The following TTLL5 variants were observed in gnomAD, a reference collection of about 807,000 sequenced individuals.
TTLL5 encodes the protein tubulin tyrosine ligase like 5.
A neutral mutation model predicts 168.4 loss-of-function variants in TTLL5; 132 were observed. The observed-to-expected ratio is 0.78, with a 90% confidence interval of 0.68 to 0.91. The LOEUF (loss-of-function observed/expected upper bound fraction) is 0.91. Among genes scored for constraint, TTLL5 ranks in the 40% least tolerant of loss-of-function variants. The probability of loss-of-function intolerance (pLI) is 0.00; values close to 1 mark genes in which losing one functional copy is unlikely to be tolerated. For missense variants in TTLL5, 1,545 were observed against 1,581.5 expected (o/e 0.98, Z 0.39); for synonymous variants, 546 against 558.6 (o/e 0.98, Z 0.32).
At chr14:75,714,630 A>G (rs560397867) in intron 9 of TTLL5, among the ~76,000 whole-genome samples, 2 of 152,132 alleles carry the variant, frequency 1.3e-5, no homozygotes, top group Non-Finnish European at 2.9e-5. Context: ...TTGATGCTCA[A>G]ATTGTCCCAG....
At chr14:75,843,400 G>A (rs1896358344) in intron 28 of TTLL5, among the ~76,000 whole-genome samples, 1 of 152,214 alleles carries the variant, frequency 6.6e-6, no homozygotes, top group Non-Finnish European at 1.5e-5. Flanking sequence ...ATTCATCCAA[G>A]GAGGGAGAAG....
At chr14:75,738,343 G>C (rs1889037458) in intron 15 of TTLL5, among the ~76,000 whole-genome samples, 1 of 152,148 alleles carries the variant, frequency 6.6e-6, no homozygotes, top group African/African-American at 2.4e-5. Context: ...TGCAACTGTT[G>C]TTTAGCAAAA....
chr14:75,849,659 A>G (rs575564005), intron 28 of TTLL5, among the ~76,000 whole-genome samples: 33 of 152,336 alleles, frequency 2.2e-4, no homozygotes, highest in Admixed American at 9.8e-4. Context: ...TGCTAGAGTA[A>G]CTTCATTTCC....
intron 31 of TTLL5, among the ~76,000 whole-genome samples, chr14:75,938,768 A>G (rs987129838): frequency 2.0e-5 from 3 of 152,238 alleles, no homozygotes; most frequent in Admixed American, 1.3e-4. Context: ...AGATGCTTAC[A>G]GCAGAGTAGG....
Position 75,771,748 on chromosome 14 carries a change from G to T in TTLL5, c.2030G>T (p.Arg677Leu). 6.2e-7 allele frequency: 1 copy of T among 1,613,832 alleles called. No individual in the cohort carries two copies. The highest frequency in any genetic ancestry group is 8.5e-7 in the Non-Finnish European group (1 of 1,179,882). ...DNGNLSKMQA[R>L]IAFSAYLQHV... Reference sequence around the variant, plus strand: ...GATTTCTATAGCAAAATGCAGGCCCGAATAGCATTCTCTGCCTATCTCCAG... The same window carrying T: ...GATTTCTATAGCAAAATGCAGGCCCTAATAGCATTCTCTGCCTATCTCCAG... Residue 677 changes from arginine to leucine, a missense_variant, in exon 21 of 32, where the codon CGA becomes CTA. Coordinates refer to ENST00000298832, the MANE Select transcript of TTLL5 (RefSeq NM_015072.5).
intron 12 of TTLL5, among the ~76,000 whole-genome samples, chr14:75,729,582 T>G (rs1450901867): frequency 6.6e-6 from 1 of 152,148 alleles, no homozygotes; most frequent in Non-Finnish European, 1.5e-5. Flanking sequence ...CCCCCACCAA[T>G]GCCAGCCTTT....
intron 21 of TTLL5, among the ~76,000 whole-genome samples, chr14:75,773,959 G>GAA (rs1193787384): frequency 0.015 from 498 of 34,058 alleles, 8 homozygotes; most frequent in African/African-American, 0.043. Context: ...GAGAGAGAAA[G>GAA]AGAGAGAGAG....
intron 31 of TTLL5, among the ~76,000 whole-genome samples, chr14:75,928,074 G>A (rs1408122525): frequency 6.6e-6 from 1 of 151,918 alleles, no homozygotes; most frequent in East Asian, 1.9e-4. Flanking sequence ...GGATGCTCTT[G>A]GTGTTCGTTT....
chr14:75,767,872 G>A (rs544097289), intron 20 of TTLL5, among the ~76,000 whole-genome samples: 30 of 152,176 alleles, frequency 2.0e-4, no homozygotes, highest in African/African-American at 6.7e-4. Flanking sequence ...AGAATGGGAT[G>A]GACTTAGTAA....
At chr14:75,748,465 G>A (rs1011004175) in intron 17 of TTLL5, among the ~76,000 whole-genome samples, 1 of 151,924 alleles carries the variant, frequency 6.6e-6, no homozygotes, top group Non-Finnish European at 1.5e-5. Flanking sequence ...CTTCTTTCTG[G>A]TCTTTTGCTG....
chr14:75,930,513 T>C (rs2034240767), intron 31 of TTLL5: 1 of 823,720 alleles, frequency 1.2e-6, no homozygotes, highest in Admixed American at 6.2e-5. Flanking sequence ...AATCAAAATC[T>C]AAAACACTTC....
chr14:75,914,034 A>AAAAAATATATATG (rs57562494), intron 31 of TTLL5, among the ~76,000 whole-genome samples: 1 of 76,414 alleles, frequency 1.3e-5, no homozygotes, highest in East Asian at 3.8e-4. Context: ...AAAAAAAAAA[A>AAAAAATATATATG]TATATATATA....
intron 27 of TTLL5, among the ~76,000 whole-genome samples, chr14:75,804,239 C>A (rs1296478556): frequency 1.3e-5 from 2 of 152,208 alleles, no homozygotes; most frequent in South Asian, 2.1e-4. Flanking sequence ...CTGAGACTTC[C>A]CTGCCTGGTC....
In TTLL5 at chr14:75,764,648, A is replaced by G. The variant is rs1355764213; in HGVS notation, c.1584A>G (p.Ile528Met). The G allele has an allele frequency of 1.2e-6, 2 of 1,614,172 alleles. No individual in the cohort carries two copies. Among genetic ancestry groups the G allele is most frequent in the Non-Finnish European group, 1.7e-6 (2 of 1,179,998 alleles). ...CTGATGGAGCGCCAGAATTGAAGAT[A>G]GAGAGTCTGAATTCAAAGGCCAAGC... ...MTADGAPELK[I>M]ESLNSKAKLH... is the part of the protein sequence containing the mutation. Residue 528 changes from isoleucine to methionine, a missense_variant, in exon 19 of 32, where the codon ATA becomes ATG. By Grantham distance (10) the Ile-to-Met change is conservative. Transcript: ENST00000298832.
intron 26 of TTLL5, among the ~76,000 whole-genome samples, chr14:75,786,761 T>A (rs1313033527): frequency 6.6e-6 from 1 of 151,986 alleles, no homozygotes; most frequent in Non-Finnish European, 1.5e-5. Flanking sequence ...AAAAATGAAT[T>A]GTGGATAAAA....
chr14:75,872,642 G>C (rs1276183876), intron 29 of TTLL5, among the ~76,000 whole-genome samples: 1 of 152,114 alleles, frequency 6.6e-6, no homozygotes, highest in Non-Finnish European at 1.5e-5. Flanking sequence ...GGGTGTGGTG[G>C]CTCACACCCA....
rs772714267 is a variant in TTLL5, at chr14:75,766,376, T to G, written c.2015+8T>G. The stretch of plus-strand genomic sequence containing the variant: ...AGATAATGGCAATCTTAGGTATGTA[T>G]CTTTTATAATTATATTAGTAAAACT... On this transcript the variant is annotated splice_region_variant and intron_variant, in intron 20 of 31. Coordinates refer to ENST00000298832, the MANE Select transcript of TTLL5 (RefSeq NM_015072.5). The G allele has an allele frequency of 3.1e-6, 5 of 1,595,582 alleles. No individual in the cohort carries two copies. In the African/African-American group the frequency reaches 6.8e-5, roughly 22 times the overall value.
At chr14:75,848,979 A>G (rs1407126058) in intron 28 of TTLL5, among the ~76,000 whole-genome samples, 8 of 152,196 alleles carry the variant, frequency 5.3e-5, no homozygotes, top group Admixed American at 5.2e-4. Flanking sequence ...GGGGTGTGGA[A>G]ACAGCAGAAG....
chr14:75,671,178 A>G (rs1484250775), intron 3 of TTLL5, among the ~76,000 whole-genome samples: 1 of 152,194 alleles, frequency 6.6e-6, no homozygotes, highest in Non-Finnish European at 1.5e-5. Context: ...TCCCCACTGG[A>G]TGGTCTTGGC....
Sources: allele counts gnomAD v4.1 joint callset (sites outside exome capture counted in the v4.1 genomes callset), GRCh38; gene constraint gnomAD v4.1.1; transcripts MANE v1.5; gene names NCBI Gene and HGNC (gene_info 2026-07-23, HGNC 2026-07-21).